The following NRXN3 variants were observed in gnomAD, a reference collection of about 807,000 sequenced individuals.
NRXN3 encodes the protein neurexin III.
A neutral mutation model predicts 137.6 loss-of-function variants in NRXN3; 32 were observed. That is an observed-to-expected ratio of 0.23 (90% CI 0.18 to 0.31). The LOEUF is 0.31. NRXN3 is among the 10% of genes least tolerant of loss of function. The probability of loss-of-function intolerance (pLI) is 1.00; values close to 1 mark genes in which losing one functional copy is unlikely to be tolerated. For synonymous variants in NRXN3, 798 were observed against 784.5 expected (o/e 1.02, Z -0.29); for missense variants, 1,574 against 2,062.5 (o/e 0.76, Z 4.59).
At chr14:79,113,299 G>A (rs2152892968) in intron 15 of NRXN3, among the ~76,000 whole-genome samples, 1 of 152,232 alleles carries the variant, frequency 6.6e-6, no homozygotes, top group African/African-American at 2.4e-5. Flanking sequence ...TCCAACTCCA[G>A]AAGAAGTATA....
rs761488674 is a variant in NRXN3 at position 79,229,487 on chromosome 14, A to G, written c.3263-237734A>G. ...TCCCTGAAGTCTCTGATAATTATCA[A>G]TAAATTGGGTGGTAGATAAATAGCA... On this transcript the variant is annotated intron_variant, in intron 15 of 20. Coordinates refer to ENST00000335750, the MANE Select transcript of NRXN3 (RefSeq NM_001330195.2). Among the ~76,000 whole-genome samples the G allele has an allele frequency of 5.3e-5, 8 of 152,174 alleles. 1 individual carries two copies. The East Asian group carries it at 1.3e-3, about 26-fold the overall frequency.
rs186616280 is a variant in NRXN3, at chr14:79,802,525, G to A, written c.4015-2587G>A. Among the ~76,000 whole-genome samples, 6 of 152,154 alleles carry A rather than the reference G, an allele frequency of 3.9e-5. No individual in the cohort carries two copies. In the East Asian group the frequency reaches 9.7e-4, roughly 24 times the overall value. On this transcript the variant is annotated intron_variant, in intron 19 of 20. Coordinates refer to ENST00000335750, the MANE Select transcript of NRXN3 (RefSeq NM_001330195.2). The stretch of plus-strand genomic sequence containing the variant: ...ACAAACCATTGTAATATTTAAGATT[G>A]TCCCTCAGCCCAAACCAAACTTTCC...
chr14:79,838,356 C>T (rs562992515), intron 20 of NRXN3, among the ~76,000 whole-genome samples: 80 of 152,328 alleles, frequency 5.3e-4, no homozygotes, highest in Non-Finnish European at 7.9e-4. Context: ...ATTAAACTTA[C>T]GCATAAAAGT....
At chr14:79,273,178 A>AT (rs1393080684) in intron 15 of NRXN3, among the ~76,000 whole-genome samples, 128 of 147,288 alleles carry the variant, frequency 8.7e-4, no homozygotes, top group African/African-American at 3.3e-3. Context: ...TGGCCAAAAA[A>AT]AAAAAAAAAA....
intron 15 of NRXN3, among the ~76,000 whole-genome samples, chr14:79,253,609 T>C (rs2153381817): frequency 6.6e-6 from 1 of 152,318 alleles, no homozygotes; most frequent in East Asian, 1.9e-4. Flanking sequence ...CAGTTCCACA[T>C]GTCTGGGGAG....
intron 20 of NRXN3, among the ~76,000 whole-genome samples, chr14:79,811,845 G>A (rs953228471): frequency 4.6e-5 from 7 of 151,664 alleles, no homozygotes; most frequent in Non-Finnish European, 1.5e-5. Flanking sequence ...GCCTCCCACA[G>A]TGCTGGGATT....
chr14:79,829,560 GCAACCTGAAT>G (rs1357130264), intron 20 of NRXN3, among the ~76,000 whole-genome samples: 1 of 152,134 alleles, frequency 6.6e-6, no homozygotes, highest in Non-Finnish European at 1.5e-5. Flanking sequence ...GTCAATAGCA[GCAACCTGAAT>G]CAGTTATAAA....
At chr14:79,501,407 A>C (rs904359370) in intron 16 of NRXN3, among the ~76,000 whole-genome samples, 3 of 152,128 alleles carry the variant, frequency 2.0e-5, no homozygotes, top group African/African-American at 7.2e-5. Context: ...TATTACCACT[A>C]TGCATCATCA....
At chr14:79,141,258 G>T (rs547393436) in intron 15 of NRXN3, among the ~76,000 whole-genome samples, 1 of 152,286 alleles carries the variant, frequency 6.6e-6, no homozygotes, top group African/African-American at 2.4e-5. Context: ...TTTGAAAGTA[G>T]ATTGTACCTA....
chr14:79,413,304 T>C (rs2095445984), intron 15 of NRXN3, among the ~76,000 whole-genome samples: 1 of 152,166 alleles, frequency 6.6e-6, no homozygotes, highest in Non-Finnish European at 1.5e-5. Context: ...CTTAAGCCAG[T>C]GTTGGAGGCT....
chr14:79,671,151 C>A lies in NRXN3; in HGVS notation c.3616+7202C>A. Among the ~76,000 whole-genome samples the A allele has an allele frequency of 2.6e-5, 4 of 152,226 alleles. No individual in the cohort carries two copies. In the Middle Eastern group the frequency reaches 0.01, roughly 388 times the overall value. On this transcript the variant is annotated intron_variant, in intron 17 of 20. Coordinates refer to ENST00000335750, the MANE Select transcript of NRXN3 (RefSeq NM_001330195.2). ...GTCTTGAAACCACCCATTAGGACAG[C>A]GTTGGTCTTATTCCCATTTTTTTAG...
chr14:79,686,289 C>T (rs2098694507), intron 17 of NRXN3, among the ~76,000 whole-genome samples: 1 of 152,058 alleles, frequency 6.6e-6, no homozygotes, highest in African/African-American at 2.4e-5. Flanking sequence ...TCTACAGGCT[C>T]ATCAGAGAGA....
At chr14:79,497,469 A>G (rs112474925) in intron 16 of NRXN3, among the ~76,000 whole-genome samples, 2 of 151,780 alleles carry the variant, frequency 1.3e-5, no homozygotes, top group Non-Finnish European at 2.9e-5. Context: ...AGCTCATTCT[A>G]TTTTATCTGC....
At chr14:78,777,669 C>A (rs999795095) in intron 8 of NRXN3, among the ~76,000 whole-genome samples, 15 of 152,140 alleles carry the variant, frequency 9.9e-5, no homozygotes, top group African/African-American at 3.6e-4. Context: ...CAATGGCAAC[C>A]CCTTCCCCTG....
chr14:79,551,102 A>G lies in NRXN3; in HGVS notation c.3444+83700A>G, dbSNP rs111396904. ...TGAGTCTTGCTTTCCATAGCTATGA[A>G]ATGTTCTCAATCACAGTTATCTCCC... On this transcript the variant is annotated intron_variant, in intron 16 of 20. Coordinates refer to ENST00000335750, the MANE Select transcript of NRXN3 (RefSeq NM_001330195.2). 8.6e-4 allele frequency among the ~76,000 whole-genome samples: 131 copies of G among 152,302 alleles called. 2 individuals are homozygous for G. In the Middle Eastern group the frequency reaches 0.017, roughly 20 times the overall value.
chr14:78,465,490 A>T (rs1409195480), intron 4 of NRXN3, among the ~76,000 whole-genome samples: 1 of 152,202 alleles, frequency 6.6e-6, no homozygotes, highest in Non-Finnish European at 1.5e-5. Context: ...GGAAAGAAAT[A>T]TCACAAGTGA....
intron 10 of NRXN3, among the ~76,000 whole-genome samples, chr14:78,954,589 C>G (rs537963844): frequency 6.6e-6 from 1 of 151,894 alleles, no homozygotes; most frequent in South Asian, 2.1e-4. Flanking sequence ...CTCAGTCTCC[C>G]GAGTAGCTGG....
intron 16 of NRXN3, among the ~76,000 whole-genome samples, chr14:79,517,579 C>A (rs896164223): frequency 2.0e-5 from 3 of 152,062 alleles, no homozygotes; most frequent in African/African-American, 7.2e-5. Flanking sequence ...TTTCTCTTAG[C>A]ACTACCATGT....
At chr14:79,496,399 T>C (rs1023946961) in intron 16 of NRXN3, among the ~76,000 whole-genome samples, 1 of 152,106 alleles carries the variant, frequency 6.6e-6, no homozygotes, top group Non-Finnish European at 1.5e-5. Context: ...AGATTCCCCC[T>C]GGATACTATC....
Sources: allele counts gnomAD v4.1 joint callset (sites outside exome capture counted in the v4.1 genomes callset), GRCh38; gene constraint gnomAD v4.1.1; transcripts MANE v1.5; gene names NCBI Gene and HGNC (gene_info 2026-07-23, HGNC 2026-07-21).